The following VPS51 variants were observed in gnomAD, a reference collection of about 807,000 sequenced individuals.
VPS51 encodes the protein VPS51 subunit of GARP complex.
In VPS51, 55 loss-of-function variants were observed where a neutral mutation model predicts 65.1. The observed-to-expected ratio is 0.84, with a 90% confidence interval of 0.68 to 1.06. VPS51 has a LOEUF of 1.06. Ranked by LOEUF, VPS51 falls within the 50% of genes least tolerant of loss-of-function variation. VPS51 has a pLI of 0.00. For synonymous variants in VPS51, 473 were observed against 489.5 expected (o/e 0.97, Z 0.44); for missense variants, 943 against 1,101.6 (o/e 0.86, Z 2.04).
At chr11:65,101,365 T>C (rs1947806865) in intron 2 of VPS51, among the ~76,000 whole-genome samples, 1 of 152,194 alleles carries the variant, frequency 6.6e-6, no homozygotes, top group Non-Finnish European at 1.5e-5. Flanking sequence ...ATAATGCATT[T>C]ACTTGTGTCA....
chr11:65,109,206 C>T, intron 5 of VPS51, 74 bp from the exon 6 acceptor site: 2 of 1,498,048 alleles, frequency 1.3e-6, no homozygotes, highest in East Asian at 2.3e-5. Context: ...GCACTTAGAG[C>T]CCCAGCAGAG....
chr11:65,111,720 T>C lies in VPS51; in HGVS notation c.*133T>C, dbSNP rs1040086390. On this transcript the variant is annotated 3_prime_UTR_variant, in exon 10 of 10. Transcript: ENST00000279281. ...TGTGTGGCCTCCTCCTCTCGCTTGC[T>C]GGGCGGGCCTTTCCGGGGGCGGGGT... 2.2e-6 allele frequency: 3 copies of C among 1,374,792 alleles called. No homozygotes were observed. Among genetic ancestry groups the C allele is most frequent in the Non-Finnish European group, 1.9e-6 (2 of 1,043,888 alleles). 85.2% of individuals were successfully genotyped at this position (1,374,792 alleles called of 1,614,324 possible).
intron 2 of VPS51, among the ~76,000 whole-genome samples, chr11:65,104,031 C>T (rs1254672644): frequency 5.3e-5 from 8 of 151,946 alleles, no homozygotes; most frequent in Non-Finnish European, 8.8e-5. Flanking sequence ...AGGGTTCAAG[C>T]GATTCTCCTG....
chr11:65,107,629 TG>T lies in VPS51; in HGVS notation c.409del (p.Asp137ThrfsTer9), dbSNP rs773898031. On this transcript the variant is annotated frameshift_variant, in exon 3 of 10. Transcript: ENST00000279281. LOFTEE classifies it high-confidence loss of function. This position sits in a 1 kb window ranked among gnomAD's most constrained non-coding sequence, Gnocchi z 4.0. ...KNDFRKMEDE[M>X]DRLATNMAVI... is the part of the protein sequence containing the mutation. ...GATTTCCGGAAGATGGAGGATGAGA[TG>T]GACCGGCTGGCCACCAACATGGCAG... 5.6e-6 allele frequency: 9 copies of T among 1,604,440 alleles called. No homozygotes were observed. The highest frequency in any genetic ancestry group is 6.8e-6 in the Non-Finnish European group (8 of 1,172,344).
intron 9 of VPS51, 52 bp from the exon 10 acceptor site, chr11:65,111,275 C>T (rs763794133): frequency 2.7e-4 from 433 of 1,597,630 alleles, no homozygotes; most frequent in Non-Finnish European, 3.3e-4. Flanking sequence ...CTTGGGTGTC[C>T]CCCACACACA....
At chr11:65,101,621 G>C (rs1947808349) in intron 2 of VPS51, among the ~76,000 whole-genome samples, 1 of 151,718 alleles carries the variant, frequency 6.6e-6, no homozygotes, top group African/African-American at 2.4e-5. Flanking sequence ...ACAAAAATTA[G>C]CTGGGTGTGG....
In VPS51 at chr11:65,107,092, C is replaced by G. The variant is rs150386676; in HGVS notation, c.359-489C>G. ...TCAGGACCAAAGGGAAAGGGCCCTT[C>G]AGAGAAGACAGCCCATGTTCCGGAA... On this transcript the variant is annotated intron_variant, in intron 2 of 9. Coordinates refer to ENST00000279281, the MANE Select transcript of VPS51 (RefSeq NM_013265.4). The surrounding 1 kb of genome is among the most constrained non-coding windows in gnomAD (Gnocchi z 4.0). The G allele has an allele frequency of 4.4e-6, 2 of 451,654 alleles. No individual in the cohort carries two copies. Among genetic ancestry groups the G allele is most frequent in the East Asian group, 1.4e-4 (2 of 14,350 alleles). 28.0% of individuals were successfully genotyped at this position (451,654 alleles called of 1,614,324 possible). A position where few individuals can be genotyped will look rare whatever the true frequency, so the allele number is the denominator to read the frequency against.
In VPS51 at chr11:65,109,289, T is replaced by A; in HGVS notation, c.1453T>A (p.Cys485Ser). 6.2e-7 allele frequency: 1 copy of A among 1,611,428 alleles called. No homozygotes were observed. The highest frequency in any genetic ancestry group is 8.5e-7 in the Non-Finnish European group (1 of 1,178,648). Residue 485 changes from cysteine (C) to serine (S), a missense_variant, in exon 6 of 10, where the codon TGC becomes AGC. Physicochemically the swap from Cys to Ser is moderately radical, Grantham distance 112 (BLOSUM62 -1). Around this residue, in one of 2 missense-constraint regions of VPS51, gnomAD observed 855 missense variants for 953.7 expected, o/e 0.90. Transcript: ENST00000279281. Reference sequence around the variant, plus strand: ...GCACCTTCTCTTGCAGGGTGAGTTCTGCAGTCAGGGTGTCCGTGAGGGCCT... The same window carrying A: ...GCACCTTCTCTTGCAGGGTGAGTTCAGCAGTCAGGGTGTCCGTGAGGGCCT... ...SNKPYFRGEF[C>S]SQGVREGLIV...
At chr11:65,109,168 G>A in intron 5 of VPS51, 112 bp from the exon 6 acceptor site, 1 of 1,220,632 alleles carries the variant, frequency 8.2e-7, no homozygotes. Flanking sequence ...AATGTAGGAT[G>A]ATGCTGTCCC....
chr11:65,111,311 G>C lies in VPS51; in HGVS notation c.2089-16G>C, dbSNP rs1247468910. The C allele has an allele frequency of 2.5e-6, 4 of 1,600,578 alleles. No homozygotes were observed. The highest frequency in any genetic ancestry group is 2.2e-5 in the East Asian group (1 of 44,882). ...CCTGCAGTCCCCAAGCTGCATCCCT[G>C]TGTCCCTGCCTGCAGGTGTCGGTGC... On this transcript the variant is annotated splice_polypyrimidine_tract_variant and intron_variant, in intron 9 of 9. Transcript: ENST00000279281.
chr11:65,107,957 C>T lies in VPS51; in HGVS notation c.660C>T (p.Arg220=). The T allele has an allele frequency of 6.4e-7, 1 of 1,567,846 alleles. No homozygotes were observed. The highest frequency in any genetic ancestry group is 2.4e-5 in the East Asian group (1 of 41,930). The change falls in exon 4 of 10, where the codon CGC becomes CGT. Residue 220 remains arginine (R), a synonymous_variant. Coordinates refer to ENST00000279281, the MANE Select transcript of VPS51 (RefSeq NM_013265.4). The surrounding 1 kb of genome is among the most constrained non-coding windows in gnomAD (Gnocchi z 4.0). ...AGTACCAACACCTGCCCTCGTTCCGCGCCATCCAGGACGACTGCCAGGTCA... is the reference window on the plus strand; with the variant it reads ...AGTACCAACACCTGCCCTCGTTCCGTGCCATCCAGGACGACTGCCAGGTCA... ...LQQYQHLPSF[R]AIQDDCQVIT...
chr11:65,107,894 G>T lies in VPS51; in HGVS notation c.597G>T (p.Ala199=), dbSNP rs554679031. 8.4e-6 allele frequency: 13 copies of T among 1,551,592 alleles called. No homozygotes were observed. The highest frequency in any genetic ancestry group is 1.4e-5 in the African/African-American group (1 of 73,264). The change falls in exon 4 of 10, where the codon GCG becomes GCT. Residue 199 remains alanine, a synonymous_variant. Transcript: ENST00000279281. This position sits in a 1 kb window ranked among gnomAD's most constrained non-coding sequence, Gnocchi z 4.0. The part of the protein sequence containing the change: ...KCVELGAYGQ[A]VRYQGRAQAV... The stretch of plus-strand genomic sequence containing the variant: ...TGGAACTGGGCGCCTATGGGCAGGC[G>T]GTGCGCTACCAGGGCCGCGCGCAGG...
intron 2 of VPS51, among the ~76,000 whole-genome samples, chr11:65,102,387 T>G (rs1179314077): frequency 2.6e-5 from 4 of 152,188 alleles, no homozygotes; most frequent in African/African-American, 9.7e-5. Context: ...TTCACTGTTG[T>G]TTTTGGATAT....
At position 65,109,293 on chromosome 11, in the gene VPS51, G is replaced by A; in HGVS notation, c.1457G>A (p.Ser486Asn). ...CTTCTCTTGCAGGGTGAGTTCTGCA[G>A]TCAGGGTGTCCGTGAGGGCCTCATC... ...NKPYFRGEFC[S>N]QGVREGLIVG... Residue 486 changes from serine to asparagine, a missense_variant, in exon 6 of 10, where the codon AGT (serine) becomes AAT (asparagine). Ser to Asn is a conservative substitution (Grantham distance 46). Coordinates refer to ENST00000279281, the MANE Select transcript of VPS51 (RefSeq NM_013265.4). 6.2e-7 allele frequency: 1 copy of A among 1,611,970 alleles called. No individual in the cohort carries two copies. The highest frequency in any genetic ancestry group is 8.5e-7 in the Non-Finnish European group (1 of 1,179,018).
intron 2 of VPS51, among the ~76,000 whole-genome samples, chr11:65,098,556 T>C (rs1350473423): frequency 6.6e-6 from 1 of 152,204 alleles, no homozygotes; most frequent in East Asian, 1.9e-4. Flanking sequence ...ACCTGCAGCC[T>C]GTGGAATGTT....
chr11:65,111,194 A>G lies in VPS51; in HGVS notation c.2089-133A>G, dbSNP rs1947896617. On this transcript the variant is annotated intron_variant, in intron 9 of 9. Transcript: ENST00000279281. ...GCTAATATTGTATCCCTCCCTTCTTATCTGGCCCCGGAGACTTTCTGCCTC... is the reference window on the plus strand; with the variant it reads ...GCTAATATTGTATCCCTCCCTTCTTGTCTGGCCCCGGAGACTTTCTGCCTC... The G allele has an allele frequency of 3.7e-6, 5 of 1,355,024 alleles. No homozygotes were observed. The East Asian group carries it at 1.2e-4, about 33-fold the overall frequency. 83.9% of individuals were successfully genotyped at this position (1,355,024 alleles called of 1,614,324 possible). A position where few individuals can be genotyped will look rare whatever the true frequency, so the allele number is the denominator to read the frequency against.
At position 65,111,332 on chromosome 11, in the gene VPS51, G is replaced by A. The variant is rs1455503436; in HGVS notation, c.2094G>A (p.Ser698=). 3.1e-6 allele frequency: 5 copies of A among 1,602,894 alleles called. No individual in the cohort carries two copies. Among genetic ancestry groups the A allele is most frequent in the Admixed American group, 1.7e-5 (1 of 59,994 alleles). ...VFSPVEFNKV[S]VLTGIIKISL... ...CCCTGTGTCCCTGCCTGCAGGTGTCGGTGCTGACCGGCATCATCAAGATCA... is the reference window on the plus strand; with the variant it reads ...CCCTGTGTCCCTGCCTGCAGGTGTCAGTGCTGACCGGCATCATCAAGATCA... Residue 698 remains serine, a synonymous_variant, in exon 10 of 10, where the codon TCG becomes TCA. Transcript: ENST00000279281.
chr11:65,104,853 A>G (rs1376977989), intron 2 of VPS51, among the ~76,000 whole-genome samples: 1 of 152,206 alleles, frequency 6.6e-6, no homozygotes, highest in Non-Finnish European at 1.5e-5. Flanking sequence ...ACACCCCTGG[A>G]CATCTGGGCC....
chr11:65,110,770 G>C lies in VPS51; in HGVS notation c.2077G>C (p.Glu693Gln), dbSNP rs1462301962. The C allele has an allele frequency of 1.2e-6, 2 of 1,614,126 alleles. No homozygotes were observed. Among genetic ancestry groups the C allele is most frequent in the Non-Finnish European group, 1.7e-6 (2 of 1,180,010 alleles). ...ACGTATTGATGTGTTCAGCCCTGTG[G>C]AGTTCAACAAGGTCCGACTTCCAAC... Reference protein sequence around the residue: ...SERIDVFSPVEFNKVSVLTGI... With the variant: ...SERIDVFSPVQFNKVSVLTGI... Residue 693 changes from glutamate to glutamine, a missense_variant, in exon 9 of 10, where the codon GAG becomes CAG. Glu to Gln is a conservative substitution (Grantham distance 29, BLOSUM62 2). Around this residue, in one of 2 missense-constraint regions of VPS51, gnomAD observed 88 missense variants for 147.8 expected, o/e 0.60. Transcript: ENST00000279281.
Sources: gnomAD v4.1 joint callset for allele counts (sites outside exome capture counted in the v4.1 genomes callset) on GRCh38, gnomAD v4.1.1 for gene constraint, gnomAD v4.1.1 regional missense constraint, Gnocchi (gnomAD v3.1) non-coding constraint, MANE v1.5 for transcripts, NCBI Gene and HGNC (gene_info 2026-07-23, HGNC 2026-07-21) for gene names.